DNM1L: variants seen among roughly 807,000 people sequenced by gnomAD.
The protein encoded by DNM1L is dynamin-1-like protein.
In DNM1L, 33 loss-of-function variants were observed where a neutral mutation model predicts 92.8. That is an observed-to-expected ratio of 0.36 (90% CI 0.27 to 0.48). The LOEUF (loss-of-function observed/expected upper bound fraction) is 0.48, where lower values mean the gene tolerates loss of function less well. Among genes scored for constraint, DNM1L ranks in the 20% least tolerant of loss-of-function variants. The probability of loss-of-function intolerance (pLI) is 0.99; values close to 1 mark genes in which losing one functional copy is unlikely to be tolerated. For missense variants in DNM1L, 485 were observed against 888.8 expected (o/e 0.55, Z 5.78); for synonymous variants, 284 against 305.0 (o/e 0.93, Z 0.72).
chr12:32,730,244 G>A (rs1592659396), intron 9 of DNM1L, among the ~76,000 whole-genome samples: 1 of 152,100 alleles, frequency 6.6e-6, no homozygotes, highest in South Asian at 2.1e-4. Flanking sequence ...CATGCCTGTA[G>A]TCCCAGCTAC....
intron 1 of DNM1L, among the ~76,000 whole-genome samples, chr12:32,689,313 T>A (rs1952141783): frequency 6.6e-6 from 1 of 152,182 alleles, no homozygotes; most frequent in Non-Finnish European, 1.5e-5. Context: ...TTCTACTGTC[T>A]CAGCTTCCCG....
chr12:32,742,767 T>C lies in DNM1L; in HGVS notation c.2154+19T>C. 6.2e-7 allele frequency: 1 copy of C among 1,613,912 alleles called. No homozygotes were observed. Among genetic ancestry groups the C allele is most frequent in the Non-Finnish European group, 8.5e-7 (1 of 1,179,938 alleles). ...GCTAAAGGTATTGTGGACCTTTTGA[T>C]TTTTTATACTTGGGTAGTAGATAGA... is the stretch of plus-strand genomic sequence containing the variant. On this transcript the variant is annotated intron_variant, in intron 19 of 19. Coordinates refer to ENST00000549701, the MANE Select transcript of DNM1L (RefSeq NM_012062.5).
At chr12:32,704,573 A>G (rs1952847715) in intron 2 of DNM1L, among the ~76,000 whole-genome samples, 1 of 151,860 alleles carries the variant, frequency 6.6e-6, no homozygotes, top group Admixed American at 6.6e-5. Flanking sequence ...AAATGCAAAC[A>G]TACATGTTTC....
intron 9 of DNM1L, chr12:32,726,266 T>C (rs937596990): frequency 5.7e-6 from 5 of 880,206 alleles, no homozygotes; most frequent in Admixed American, 4.2e-5. Context: ...TCCTGTCCTT[T>C]AAAACAAAAA....
chr12:32,725,251 AT>A (rs1270018166), intron 9 of DNM1L: 1 of 152,186 alleles, frequency 6.6e-6, no homozygotes, highest in African/African-American at 2.4e-5. Flanking sequence ...CTAAAATTGT[AT>A]TTGAAATTTT....
chr12:32,742,557 C>T (rs766268965), intron 18 of DNM1L, 32 bp from the exon 19 acceptor site: 5 of 1,613,572 alleles, frequency 3.1e-6, no homozygotes, highest in Non-Finnish European at 4.2e-6. Flanking sequence ...AGAATTTTGG[C>T]TAAAATTCCA....
chr12:32,741,236 T>C (rs1051687998), intron 18 of DNM1L, among the ~76,000 whole-genome samples: 1 of 152,246 alleles, frequency 6.6e-6, no homozygotes, highest in East Asian at 1.9e-4. Flanking sequence ...TGTTTTACAC[T>C]GTGGGCCTGA....
chr12:32,679,645 G>C, intron 1 of DNM1L, 180 bp downstream of exon 1: 2 of 1,323,358 alleles, frequency 1.5e-6, no homozygotes, highest in Non-Finnish European at 1.9e-6. Context: ...GCCCTCCCGG[G>C]GCAGCGTTGC....
Position 32,718,211 on chromosome 12 carries a change from A to G in DNM1L, c.620-432A>G, listed in dbSNP as rs559278436. ...GGCCGAAGTGCAATGGCACGATCTC[A>G]GCTCACTGCAACCTCTGCCTCTCGG... On this transcript the variant is annotated intron_variant, in intron 6 of 19. Coordinates refer to ENST00000549701, the MANE Select transcript of DNM1L (RefSeq NM_012062.5). Among the ~76,000 whole-genome samples, 7 of 148,404 alleles carry G rather than the reference A, an allele frequency of 4.7e-5. No homozygotes were observed. In the East Asian group the frequency reaches 1.2e-3, roughly 25 times the overall value.
At chr12:32,680,367 ATAG>A (rs1357595660) in intron 1 of DNM1L, among the ~76,000 whole-genome samples, 2 of 152,198 alleles carry the variant, frequency 1.3e-5, no homozygotes, top group Non-Finnish European at 2.9e-5. Context: ...TCATTTCTTA[ATAG>A]TATCTTTTCT....
At position 32,701,432 on chromosome 12, in the gene DNM1L, A is replaced by G; in HGVS notation, c.120A>G (p.Ser40=). The G allele has an allele frequency of 6.2e-7, 1 of 1,613,956 alleles. No homozygotes were observed. The highest frequency in any genetic ancestry group is 8.5e-7 in the Non-Finnish European group (1 of 1,179,874). The change falls in exon 2 of 20, where the codon TCA becomes TCG. Residue 40 remains serine (S), a synonymous_variant. Transcript: ENST00000549701. The stretch of plus-strand genomic sequence containing the variant: ...GTTTTCAGAGCAGCGGAAAGAGCTC[A>G]GTGCTAGAAAGCCTGGTGGGGAGGG... The part of the protein sequence containing the change: ...VVGTQSSGKS[S]VLESLVGRDL...
At chr12:32,682,323 A>G (rs1951839750) in intron 1 of DNM1L, among the ~76,000 whole-genome samples, 1 of 151,998 alleles carries the variant, frequency 6.6e-6, no homozygotes, top group Non-Finnish European at 1.5e-5. Flanking sequence ...GTAGAGACAG[A>G]GTTTCTCCAT....
intron 5 of DNM1L, among the ~76,000 whole-genome samples, chr12:32,712,973 G>C (rs1276163765): frequency 6.6e-6 from 1 of 152,090 alleles, no homozygotes; most frequent in Non-Finnish European, 1.5e-5. Flanking sequence ...AATCAACATT[G>C]ACCAGTTCTT....
At chr12:32,726,633 G>A (rs1341968477) in intron 9 of DNM1L, 1 of 872,584 alleles carries the variant, frequency 1.1e-6, no homozygotes, top group Non-Finnish European at 1.8e-6. Context: ...TCCACTCTCA[G>A]GAACTTCAGG....
At chr12:32,722,843 T>C (rs1953869419) in intron 9 of DNM1L, 1 of 241,162 alleles carries the variant, frequency 4.1e-6, no homozygotes, top group African/African-American at 2.3e-5. Flanking sequence ...TCACATATTT[T>C]TAAATATTTT....
intron 1 of DNM1L, among the ~76,000 whole-genome samples, chr12:32,685,017 G>T (rs570373060): frequency 6.7e-6 from 1 of 149,362 alleles, no homozygotes; most frequent in East Asian, 2.0e-4. Flanking sequence ...TTGGCTCACC[G>T]CAAGCTCCGC....
At chr12:32,733,306 C>T in intron 12 of DNM1L, 1 of 216,494 alleles carries the variant, frequency 4.6e-6, no homozygotes, top group Non-Finnish European at 9.2e-6. Flanking sequence ...TAACTTATGC[C>T]TTGTTACGAA....
intron 13 of DNM1L, among the ~76,000 whole-genome samples, chr12:32,736,013 C>T (rs899231622): frequency 6.6e-6 from 1 of 151,660 alleles, no homozygotes; most frequent in Non-Finnish European, 1.5e-5. Flanking sequence ...TCTGATGCTG[C>T]CTGTGAGAGA....
intron 13 of DNM1L, among the ~76,000 whole-genome samples, chr12:32,735,645 C>T (rs987640701): frequency 1.4e-4 from 21 of 152,072 alleles, no homozygotes; most frequent in African/African-American, 5.1e-4. Context: ...CTTTGGTAGG[C>T]CGAGGCAGGC....
Sources: allele counts gnomAD v4.1 joint callset (sites outside exome capture counted in the v4.1 genomes callset), GRCh38; gene constraint gnomAD v4.1.1; transcripts MANE v1.5; gene names NCBI Gene and HGNC (gene_info 2026-07-23, HGNC 2026-07-21).